The following ABCB8 variants were observed in gnomAD, a reference collection of about 807,000 sequenced individuals.
ABCB8 encodes the protein mitochondrial potassium channel ATP-binding subunit.
A neutral mutation model predicts 73.0 loss-of-function variants in ABCB8; 52 were observed. That is an observed-to-expected ratio of 0.71 (90% CI 0.57 to 0.90). ABCB8 has a LOEUF of 0.90. Ranked by LOEUF, ABCB8 falls within the 40% of genes least tolerant of loss-of-function variation. ABCB8 has a pLI of 0.00. For missense variants in ABCB8, 909 were observed against 974.6 expected (o/e 0.93, Z 0.90); for synonymous variants, 428 against 423.5 (o/e 1.01, Z -0.13).
chr7:151,040,472 T>A (rs1331224019), intron 10 of ABCB8, 26 bp from the exon 11 acceptor site: 3 of 1,599,014 alleles, frequency 1.9e-6, no homozygotes, highest in African/African-American at 2.7e-5. Flanking sequence ...CCTGCCTCCC[T>A]GCGGACTTTG....
At chr7:151,031,147 T>G (rs138418335) in intron 1 of ABCB8, 1 of 804,964 alleles carries the variant, frequency 1.2e-6, no homozygotes, top group African/African-American at 1.7e-5. Context: ...AATGAGGGCA[T>G]GCATGTGCTC....
chr7:151,036,764 G>A, intron 9 of ABCB8, 115 bp downstream of exon 9: 1 of 923,420 alleles, frequency 1.1e-6, no homozygotes, highest in Non-Finnish European at 1.8e-6. Flanking sequence ...TGCAGCTCCA[G>A]GCCTGCCCAG....
chr7:151,037,613 C>A (rs780718393), intron 9 of ABCB8: 5 of 411,644 alleles, frequency 1.2e-5, no homozygotes, highest in Non-Finnish European at 4.6e-6. Context: ...CCCGTCTCCA[C>A]GAACCGTGCA....
Position 151,036,608 on chromosome 7 carries a change from A to G in ABCB8, c.1176A>G (p.Gly392=). 6.2e-7 allele frequency: 1 copy of G among 1,613,152 alleles called. No homozygotes were observed. Among genetic ancestry groups the G allele is most frequent in the Non-Finnish European group, 8.5e-7 (1 of 1,179,522 alleles). Residue 392 remains glycine (G), a synonymous_variant, in exon 9 of 16, where the codon GGA becomes GGG. Transcript: ENST00000358849. ...TGGCCGGACAGCAGCTGACAGGGGG[A>G]GACCTCATGTCCTTCCTGGTGGCCT... ...SLVAGQQLTG[G]DLMSFLVASQ... is the part of the protein sequence containing the mutation.
At chr7:151,039,584 T>A (rs1796401341) in intron 9 of ABCB8, 1 of 152,330 alleles carries the variant, frequency 6.6e-6, no homozygotes, top group South Asian at 2.1e-4. Context: ...CCACCCACTG[T>A]CTAGACAGAT....
At position 151,043,973 on chromosome 7, in the gene ABCB8, G is replaced by A; in HGVS notation, c.1768G>A (p.Glu590Lys). 1 of 1,609,230 alleles carries A rather than the reference G, an allele frequency of 6.2e-7. No individual in the cohort carries two copies. Reference protein sequence around the residue: ...FPEGYNTVVGERGTTLSGGQK... With the variant: ...FPEGYNTVVGKRGTTLSGGQK... The stretch of plus-strand genomic sequence containing the variant: ...CTGCCCTGCCCCTCCCTTCCCAGGT[G>A]AACGGGGCACTACCCTGTCTGGGGG... Residue 590 changes from glutamate to lysine, a missense_variant and splice_region_variant, in exon 15 of 16, where the codon GAA (glutamate) becomes AAA (lysine). Physicochemically the swap from Glu to Lys is moderately conservative, Grantham distance 56. Transcript: ENST00000358849.
At chr7:151,044,250 G>C (rs368219182) in intron 15 of ABCB8, 29 bp downstream of exon 15, 9 of 1,588,254 alleles carry the variant, frequency 5.7e-6, no homozygotes, top group Non-Finnish European at 7.7e-6. Context: ...GTGGATCAGT[G>C]GGTTGAGGAT....
chr7:151,035,835 T>C, intron 6 of ABCB8, 47 bp from the exon 7 acceptor site: 1 of 1,610,652 alleles, frequency 6.2e-7, no homozygotes, highest in Non-Finnish European at 8.5e-7. Flanking sequence ...CTGGACTCCT[T>C]GTCCTGTTTT....
chr7:151,035,473 T>A, intron 5 of ABCB8, 108 bp from the exon 6 acceptor site: 1 of 1,330,568 alleles, frequency 7.5e-7, no homozygotes, highest in Non-Finnish European at 1.0e-6. Context: ...GGCCAAGACC[T>A]GGGCCTTGGC....
At chr7:151,043,429 T>G (rs1584958730) in intron 14 of ABCB8, among the ~76,000 whole-genome samples, 1 of 77,034 alleles carries the variant, frequency 1.3e-5, no homozygotes, top group Non-Finnish European at 2.6e-5. Flanking sequence ...GGGTGCACAG[T>G]GCGGGGTGGG....
chr7:151,036,107 C>T lies in ABCB8; in HGVS notation c.1048C>T (p.Arg350Trp), dbSNP rs200124806. The stretch of plus-strand genomic sequence containing the variant: ...GGCAGAGCTGGAAGCCTGCCGCTGC[C>T]GGGCAGAGGAGCTGGGCCGCGGCAT... The part of the protein sequence containing the change: ...YGAELEACRC[R>W]AEELGRGIAL... The change falls in exon 8 of 16, where the codon CGG becomes TGG. Residue 350 changes from arginine (R) to tryptophan (W), a missense_variant. Arg to Trp is a moderately radical substitution (Grantham distance 101, BLOSUM62 -3). Transcript: ENST00000358849. 108 of 1,613,466 alleles carry T rather than the reference C, an allele frequency of 6.7e-5. No individual in the cohort carries two copies. The highest frequency in any genetic ancestry group is 8.5e-5 in the Non-Finnish European group (100 of 1,179,994).
intron 14 of ABCB8, among the ~76,000 whole-genome samples, chr7:151,043,469 C>T (rs528353398): frequency 3.0e-4 from 22 of 72,694 alleles, no homozygotes; most frequent in South Asian, 1.0e-3. Flanking sequence ...GTGCACAGTG[C>T]GGGGTGGAGG....
Position 151,028,457 on chromosome 7 carries a change from C to G in ABCB8, c.-59C>G, listed in dbSNP as rs985749572. On this transcript the variant is annotated 5_prime_UTR_variant, in exon 1 of 16. Transcript: ENST00000358849. Reference sequence around the variant, plus strand: ...ATGGGGGCGGGAGCCAACATAGAGCCCTCAGTGGGATGAGGGTGAAACTGC... The same window carrying G: ...ATGGGGGCGGGAGCCAACATAGAGCGCTCAGTGGGATGAGGGTGAAACTGC... 1 of 1,556,332 alleles carries G rather than the reference C, an allele frequency of 6.4e-7. No individual in the cohort carries two copies. The highest frequency in any genetic ancestry group is 8.7e-7 in the Non-Finnish European group (1 of 1,151,636).
chr7:151,029,303 GA>G (rs902475140), intron 1 of ABCB8, among the ~76,000 whole-genome samples: 3,371 of 119,882 alleles, frequency 0.028, 118 homozygotes, highest in African/African-American at 0.09. Flanking sequence ...CTCTGCCTCA[GA>G]AAAAAAAAAA....
At chr7:151,037,257 C>A in intron 9 of ABCB8, 1 of 703,052 alleles carries the variant, frequency 1.4e-6, no homozygotes. Flanking sequence ...CCGTGTTGCA[C>A]CCTGTCCGAA....
intron 14 of ABCB8, among the ~76,000 whole-genome samples, chr7:151,043,691 G>A (rs1475695921): frequency 1.4e-5 from 2 of 146,610 alleles, no homozygotes; most frequent in East Asian, 4.1e-4. Context: ...GGCAGGACGA[G>A]GGTGCACAGT....
At position 151,035,242 on chromosome 7, in the gene ABCB8, C is replaced by T. The variant is rs548588911; in HGVS notation, c.766-339C>T. On this transcript the variant is annotated intron_variant, in intron 5 of 15. Coordinates refer to ENST00000358849, the MANE Select transcript of ABCB8 (RefSeq NM_007188.5). ...CCCACACCGACTCTGACTGCTGGAT[C>T]ATGCCACACACTGGCCTAGGCAGTC... 4.6e-5 allele frequency among the ~76,000 whole-genome samples: 7 copies of T among 152,366 alleles called. No homozygotes were observed. The South Asian group carries it at 1.2e-3, about 27-fold the overall frequency.
In ABCB8 at chr7:151,041,951, T is replaced by G; in HGVS notation, c.1618-10T>G. On this transcript the variant is annotated splice_polypyrimidine_tract_variant and intron_variant, in intron 13 of 15. Transcript: ENST00000358849. ...CTATGGACTCTGTCTCCATAACCCC[T>G]CACCCACAGGAGCCCGTCCTGTTTG... 6.2e-7 allele frequency: 1 copy of G among 1,611,936 alleles called. No homozygotes were observed. The highest frequency in any genetic ancestry group is 1.1e-5 in the South Asian group (1 of 91,054).
intron 1 of ABCB8, 147 bp downstream of exon 1, chr7:151,028,757 G>C: frequency 6.5e-7 from 1 of 1,535,074 alleles, no homozygotes; most frequent in Non-Finnish European, 8.7e-7. Flanking sequence ...CACTCCGCGG[G>C]TGTTGGCCTC....
Sources: allele counts gnomAD v4.1 joint callset (sites outside exome capture counted in the v4.1 genomes callset), GRCh38; gene constraint gnomAD v4.1.1; transcripts MANE v1.5; gene names NCBI Gene and HGNC (gene_info 2026-07-23, HGNC 2026-07-21).